CENPX: variants seen among roughly 807,000 people sequenced by gnomAD.
The protein encoded by CENPX is FANCM associated histone fold protein 2.
A neutral mutation model predicts 13.2 loss-of-function variants in CENPX; 13 were observed. That is an observed-to-expected ratio of 0.98 (90% confidence interval 0.64 to 1.56). The LOEUF (loss-of-function observed/expected upper bound fraction) is 1.56. Among genes scored for constraint, CENPX ranks in the 40% most tolerant of loss-of-function variants. The pLI, the probability that CENPX is intolerant of heterozygous loss-of-function variation, is 0.00. For synonymous variants in CENPX, 66 were observed against 47.2 expected (o/e 1.40, Z -1.63); for missense variants, 138 against 107.5 (o/e 1.28, Z -1.26).
intron 1 of CENPX, chr17:82,022,535 CTCTT>C (rs1484230343): frequency 7.3e-6 from 4 of 546,296 alleles, no homozygotes; most frequent in Middle Eastern, 4.8e-4. Context: ...CTCCTCCTCT[CTCTT>C]CGCCGGCTTG....
chr17:82,019,107 T>C lies in CENPX; in HGVS notation c.*98A>G, dbSNP rs926410920. 1.6e-5 allele frequency: 24 copies of C among 1,456,202 alleles called. No individual in the cohort carries two copies. Among genetic ancestry groups the C allele is most frequent in the Non-Finnish European group, 2.1e-5 (23 of 1,096,274 alleles). The allele number at this position is 1,456,202 out of a possible 1,614,324, so 90.2% of individuals were successfully genotyped here. A position where few individuals can be genotyped will look rare whatever the true frequency, so the allele number is the denominator to read the frequency against. ...TTGAATCAACTCCAAATCCTTCAGG[T>C]CCTTCCCTGCCTCTTATCAGAGGCC... On this transcript the variant is annotated 3_prime_UTR_variant, in exon 5 of 5. Coordinates refer to ENST00000392359, the MANE Select transcript of CENPX (RefSeq NM_001271006.2).
chr17:82,019,937 C>G (rs4969471), intron 1 of CENPX, 28 bp from the exon 2 acceptor site: 1,097,392 of 1,550,868 alleles, frequency 0.71, 392,050 homozygotes, highest in African/African-American at 0.91. Flanking sequence ...GTCAGCGCCA[C>G]GCCCCGCCCT....
intron 4 of CENPX, 32 bp from the exon 5 acceptor site, chr17:82,019,251 A>T: frequency 6.3e-7 from 1 of 1,597,092 alleles, no homozygotes; most frequent in South Asian, 1.1e-5. Flanking sequence ...AGGGCCAGCC[A>T]GCCGGGCACC....
chr17:82,021,314 A>T (rs1238586367), intron 1 of CENPX, among the ~76,000 whole-genome samples: 1 of 152,144 alleles, frequency 6.6e-6, no homozygotes, highest in Non-Finnish European at 1.5e-5. Context: ...GCCCAGTGCC[A>T]CCTGCTGGTC....
rs2043243384 is a variant in CENPX at position 82,019,671 on chromosome 17, T to C, written c.112A>G (p.Met38Val). 6.5e-7 allele frequency: 1 copy of C among 1,550,272 alleles called. No individual in the cohort carries two copies. Among genetic ancestry groups the C allele is most frequent in the Non-Finnish European group, 8.7e-7 (1 of 1,146,940 alleles). The change falls in exon 3 of 5, where the codon ATG becomes GTG. Residue 38 changes from methionine (M) to valine (V), a missense_variant. By Grantham distance (21) the Met-to-Val change is conservative (BLOSUM62 1). Coordinates refer to ENST00000392359, the MANE Select transcript of CENPX (RefSeq NM_001271006.2). ...ACGAAGACCTTCAGCAACTCCACCA[T>C]GAGCTGCAGCGCGTCCCCGCTCACT... ...TKVSGDALQL[M>V]VELLKVFVVE... is the part of the protein sequence containing the mutation.
Position 82,019,036 on chromosome 17 carries a change from C to T in CENPX, c.*169G>A. Reference sequence around the variant, plus strand: ...ACACTCCAAGGCCCGCAGTGCACTGCAGTCCTGCCCCTTCTGCACAGGCTG... The same window carrying T: ...ACACTCCAAGGCCCGCAGTGCACTGTAGTCCTGCCCCTTCTGCACAGGCTG... On this transcript the variant is annotated 3_prime_UTR_variant, in exon 5 of 5. Transcript: ENST00000392359. 6 of 1,018,946 alleles carry T rather than the reference C, an allele frequency of 5.9e-6. No individual in the cohort carries two copies. Among genetic ancestry groups the T allele is most frequent in the Non-Finnish European group, 8.3e-6 (6 of 723,656 alleles). The allele number at this position is 1,018,946 out of a possible 1,614,324, so 63.1% of individuals were successfully genotyped here.
chr17:82,019,016 C>G lies in CENPX; in HGVS notation c.*189G>C. The G allele has an allele frequency of 1.2e-6, 1 of 828,186 alleles. No homozygotes were observed. The highest frequency in any genetic ancestry group is 1.8e-6 in the Non-Finnish European group (1 of 569,412). 51.3% of individuals were successfully genotyped at this position (828,186 alleles called of 1,614,324 possible). A position where few individuals can be genotyped will look rare whatever the true frequency, so the allele number is the denominator to read the frequency against. On this transcript the variant is annotated 3_prime_UTR_variant, in exon 5 of 5. Transcript: ENST00000392359. ...CACACCAGTGTCCCCACTGGACACT[C>G]CAAGGCCCGCAGTGCACTGCAGTCC...
intron 1 of CENPX, among the ~76,000 whole-genome samples, chr17:82,021,684 C>G (rs2043285240): frequency 6.6e-6 from 1 of 152,210 alleles, no homozygotes; most frequent in Non-Finnish European, 1.5e-5. Context: ...AGCCCCTGGG[C>G]CTCTAGTTGT....
intron 1 of CENPX, among the ~76,000 whole-genome samples, chr17:82,020,116 G>A (rs538615253): frequency 9.6e-4 from 147 of 152,350 alleles, no homozygotes; most frequent in Middle Eastern, 3.4e-3. Flanking sequence ...ACTAGGGGGC[G>A]CCAGGGCCCT....
chr17:82,020,039 G>A (rs1253525206), intron 1 of CENPX, 130 bp from the exon 2 acceptor site: 1 of 906,804 alleles, frequency 1.1e-6, no homozygotes, highest in Non-Finnish European at 1.6e-6. Flanking sequence ...CCTCTCCCAG[G>A]GCAGGGGACA....
chr17:82,018,927 G>C lies in CENPX; in HGVS notation c.*278C>G, dbSNP rs1158542258. 3 of 404,774 alleles carry C rather than the reference G, an allele frequency of 7.4e-6. No homozygotes were observed. The highest frequency in any genetic ancestry group is 7.2e-5 in the East Asian group (2 of 27,938). 25.1% of individuals were successfully genotyped at this position (404,774 alleles called of 1,614,324 possible). ...TCCCAGCACCTGCCTGTAGGACCCC[G>C]GGTGGCATGCACACTATTGTCCCAG... On this transcript the variant is annotated 3_prime_UTR_variant, in exon 5 of 5. Transcript: ENST00000392359.
intron 1 of CENPX, among the ~76,000 whole-genome samples, chr17:82,021,098 G>C (rs1385912094): frequency 1.3e-5 from 2 of 152,212 alleles, no homozygotes; most frequent in Non-Finnish European, 2.9e-5. Context: ...CACCAGCATC[G>C]GCCACAGGGA....
At position 82,018,716 on chromosome 17, in the gene CENPX, T is replaced by G; in HGVS notation, c.*489A>C. The G allele has an allele frequency of 4.1e-6, 1 of 241,772 alleles. No homozygotes were observed. The highest frequency in any genetic ancestry group is 8.0e-6 in the Non-Finnish European group (1 of 124,528). 15.0% of individuals were successfully genotyped at this position (241,772 alleles called of 1,614,324 possible). A position where few individuals can be genotyped will look rare whatever the true frequency, so the allele number is the denominator to read the frequency against. On this transcript the variant is annotated 3_prime_UTR_variant, in exon 5 of 5. Transcript: ENST00000392359. ...AGAAAGCCAAGCTGGGAGAGACAGT[T>G]TTGATTTATTGATGTTGCTTTGTGA...
At chr17:82,022,450 T>C (rs1004005302) in intron 1 of CENPX, among the ~76,000 whole-genome samples, 12 of 152,106 alleles carry the variant, frequency 7.9e-5, no homozygotes. Flanking sequence ...CTGGACGATC[T>C]CACTGTCCCC....
Position 82,018,818 on chromosome 17 carries a change from T to G in CENPX, c.*387A>C. 3.2e-6 allele frequency: 1 copy of G among 313,420 alleles called. No homozygotes were observed. Among genetic ancestry groups the G allele is most frequent in the Non-Finnish European group, 5.9e-6 (1 of 170,894 alleles). 19.4% of individuals were successfully genotyped at this position (313,420 alleles called of 1,614,324 possible). On this transcript the variant is annotated 3_prime_UTR_variant, in exon 5 of 5. Coordinates refer to ENST00000392359, the MANE Select transcript of CENPX (RefSeq NM_001271006.2). ...TGGAAAGGTCACACGCCAGCTTTGATGTCGGGTGGCAGGAATGTGGGCAGG... is the reference window on the plus strand; with the variant it reads ...TGGAAAGGTCACACGCCAGCTTTGAGGTCGGGTGGCAGGAATGTGGGCAGG...
chr17:82,018,968 A>C lies in CENPX; in HGVS notation c.*237T>G. 1 of 463,676 alleles carries C rather than the reference A, an allele frequency of 2.2e-6. No individual in the cohort carries two copies. The highest frequency in any genetic ancestry group is 3.6e-6 in the Non-Finnish European group (1 of 277,018). 28.7% of individuals were successfully genotyped at this position (463,676 alleles called of 1,614,324 possible). A position where few individuals can be genotyped will look rare whatever the true frequency, so the allele number is the denominator to read the frequency against. On this transcript the variant is annotated 3_prime_UTR_variant, in exon 5 of 5. Coordinates refer to ENST00000392359, the MANE Select transcript of CENPX (RefSeq NM_001271006.2). ...ATTGTCCCAGGGAGGAGAGGCAGGG[A>C]CTCCCCAGGTGCTGCCCCTTCCCAC...
At position 82,018,712 on chromosome 17, in the gene CENPX, C is replaced by T; in HGVS notation, c.*493G>A. 1.2e-5 allele frequency: 3 copies of T among 241,148 alleles called. No homozygotes were observed. The highest frequency in any genetic ancestry group is 2.4e-5 in the Non-Finnish European group (3 of 123,994). The allele number at this position is 241,148 out of a possible 1,614,324, so 14.9% of individuals were successfully genotyped here. On this transcript the variant is annotated 3_prime_UTR_variant, in exon 5 of 5. Transcript: ENST00000392359. ...GGCAAGAAAGCCAAGCTGGGAGAGA[C>T]AGTTTTGATTTATTGATGTTGCTTT... is the stretch of plus-strand genomic sequence containing the variant.
intron 1 of CENPX, among the ~76,000 whole-genome samples, chr17:82,020,520 G>A (rs2043262484): frequency 6.6e-6 from 1 of 152,238 alleles, no homozygotes; most frequent in Non-Finnish European, 1.5e-5. Context: ...CCACAGGCTG[G>A]AGTGAGGGGT....
chr17:82,021,707 A>G (rs570005282), intron 1 of CENPX, among the ~76,000 whole-genome samples: 2 of 152,168 alleles, frequency 1.3e-5, no homozygotes, highest in Non-Finnish European at 2.9e-5. Context: ...GGTGGGCTTG[A>G]TAGAACACAT....
Sources: gnomAD v4.1 joint callset for allele counts (sites outside exome capture counted in the v4.1 genomes callset) on GRCh38, gnomAD v4.1.1 for gene constraint, MANE v1.5 for transcripts, NCBI Gene and HGNC (gene_info 2026-07-23, HGNC 2026-07-21) for gene names.